Variants in UBAC2 observed in about 807,000 individuals in gnomAD.
The protein encoded by UBAC2 is UBA domain containing 2.
In UBAC2, 26 loss-of-function variants were observed where a neutral mutation model predicts 44.0. The observed-to-expected ratio is 0.59, with a 90% CI of 0.43 to 0.82. UBAC2 has a LOEUF of 0.82. Ranked by LOEUF, UBAC2 falls within the 40% of genes least tolerant of loss-of-function variation. The pLI is 0.00. For synonymous variants in UBAC2, 155 were observed against 154.3 expected, an observed-to-expected ratio of 1.00 and a Z score of -0.04; for missense variants, 329 against 419.4, an observed-to-expected ratio of 0.78 and a Z score of 1.88.
At chr13:99,367,536 A>C (rs2045347556) in intron 7 of UBAC2, among the ~76,000 whole-genome samples, 1 of 152,228 alleles carries the variant, frequency 6.6e-6, no homozygotes, top group African/African-American at 2.4e-5. Flanking sequence ...CCAGAGCCAC[A>C]GTGCACAAAG....
chr13:99,259,600 A>G (rs1254113288), intron 4 of UBAC2, among the ~76,000 whole-genome samples: 1 of 152,222 alleles, frequency 6.6e-6, no homozygotes, highest in African/African-American at 2.4e-5. Flanking sequence ...TGAGGTAATT[A>G]TATTGATCTG....
intron 7 of UBAC2, among the ~76,000 whole-genome samples, chr13:99,341,605 A>G (rs536509422): frequency 6.6e-6 from 1 of 151,484 alleles, no homozygotes; most frequent in Non-Finnish European, 1.5e-5. Context: ...CTACATATAT[A>G]TATAGGTGAT....
intron 1 of UBAC2, among the ~76,000 whole-genome samples, chr13:99,229,444 A>G (rs951453787): frequency 1.3e-5 from 2 of 152,234 alleles, no homozygotes; most frequent in South Asian, 2.1e-4. Context: ...GATTGCAGCA[A>G]AGGCTCCTGA....
At chr13:99,310,093 G>A (rs1407809937) in intron 4 of UBAC2, among the ~76,000 whole-genome samples, 1 of 151,292 alleles carries the variant, frequency 6.6e-6, no homozygotes, top group Admixed American at 6.6e-5. Flanking sequence ...TCAGAAGGCT[G>A]AGGCAGGAGG....
At chr13:99,323,601 G>A (rs1389492251) in intron 6 of UBAC2, among the ~76,000 whole-genome samples, 4 of 152,206 alleles carry the variant, frequency 2.6e-5, no homozygotes, top group African/African-American at 9.7e-5. Context: ...CAAGTGTGAT[G>A]TCAGTGCTTG....
intron 6 of UBAC2, among the ~76,000 whole-genome samples, chr13:99,338,444 T>C (rs948230260): frequency 6.6e-6 from 1 of 152,214 alleles, no homozygotes; most frequent in Non-Finnish European, 1.5e-5. Flanking sequence ...GGCCTCAGGT[T>C]GAACAAGCTT....
At chr13:99,294,810 A>G (rs887675512) in intron 4 of UBAC2, 1 of 331,622 alleles carries the variant, frequency 3.0e-6, no homozygotes, top group Admixed American at 4.4e-5. Flanking sequence ...AGTTATTAAG[A>G]GCGCCTCCTT....
chr13:99,284,010 G>A (rs113263460), intron 4 of UBAC2, among the ~76,000 whole-genome samples: 4,354 of 152,254 alleles, frequency 0.029, 97 homozygotes, highest in Non-Finnish European at 0.041. Context: ...TGGGATAACA[G>A]GCGTGAGCCA....
intron 8 of UBAC2, among the ~76,000 whole-genome samples, chr13:99,369,320 G>A (rs570848363): frequency 2.0e-5 from 3 of 152,296 alleles, no homozygotes; most frequent in African/African-American, 4.8e-5. Context: ...TACATACTCA[G>A]TAGAAGCCAT....
At chr13:99,200,976 C>G in intron 1 of UBAC2, 37 bp downstream of exon 1, 2 of 1,297,720 alleles carry the variant, frequency 1.5e-6, no homozygotes, top group Non-Finnish European at 2.0e-6. Flanking sequence ...CTGCCCCCTA[C>G]ACGCCACCCT....
intron 1 of UBAC2, among the ~76,000 whole-genome samples, chr13:99,211,390 CTTG>C (rs773034513): frequency 1.2e-4 from 19 of 152,186 alleles, no homozygotes; most frequent in Non-Finnish European, 2.5e-4. Context: ...GGCAATATGA[CTTG>C]TTAAGTGCTA....
chr13:99,375,801 C>CTTTTTTTTTTT (rs34318354), intron 8 of UBAC2, among the ~76,000 whole-genome samples: 11 of 110,898 alleles, frequency 9.9e-5, no homozygotes, highest in East Asian at 2.4e-4. Flanking sequence ...TCCTTTTTCC[C>CTTTTTTTTTTT]TTTTTTTTTT....
intron 7 of UBAC2, among the ~76,000 whole-genome samples, chr13:99,349,902 C>A (rs1484680349): frequency 6.6e-6 from 1 of 152,056 alleles, no homozygotes; most frequent in Non-Finnish European, 1.5e-5. Flanking sequence ...AGAGTGTTCC[C>A]TGACTCCTCC....
rs544746010 is a variant in UBAC2, at chr13:99,228,290, C to A, written c.32-10137C>A. On this transcript the variant is annotated intron_variant, in intron 1 of 8. Transcript: ENST00000403766. The stretch of plus-strand genomic sequence containing the variant: ...AGGAGCAATATTCTCTATATTCATT[C>A]ATTTTTTTTTTTTTTGATACGGAAT... Among the ~76,000 whole-genome samples the A allele has an allele frequency of 6.6e-5, 9 of 136,494 alleles. No individual in the cohort carries two copies. In the East Asian group the frequency reaches 1.3e-3, roughly 20 times the overall value. 89.5% of individuals were successfully genotyped at this position (136,494 alleles called of 152,430 possible). A position where few individuals can be genotyped will look rare whatever the true frequency, so the allele number is the denominator to read the frequency against.
In UBAC2 at chr13:99,225,977, A is replaced by G. The variant is rs143258128; in HGVS notation, c.32-12450A>G. The stretch of plus-strand genomic sequence containing the variant: ...TTAAATCCACTGTTAAGTGCTATGA[A>G]AAAAGCAGGACAAAGGATAAGGTAA... On this transcript the variant is annotated intron_variant, in intron 1 of 8. Transcript: ENST00000403766. 6.4e-4 allele frequency among the ~76,000 whole-genome samples: 97 copies of G among 152,346 alleles called. 1 individual carries two copies. The East Asian group carries it at 0.012, about 18-fold the overall frequency.
At chr13:99,331,895 G>A (rs935950262) in intron 6 of UBAC2, among the ~76,000 whole-genome samples, 1 of 151,990 alleles carries the variant, frequency 6.6e-6, no homozygotes, top group Non-Finnish European at 1.5e-5. Flanking sequence ...ACATAGGCTG[G>A]CACGTATTAG....
At chr13:99,236,203 T>C (rs2043231032) in intron 1 of UBAC2, among the ~76,000 whole-genome samples, 1 of 152,008 alleles carries the variant, frequency 6.6e-6, no homozygotes, top group Admixed American at 6.5e-5. Context: ...AATAGACAAG[T>C]GGGATTAAAT....
chr13:99,321,610 G>C (rs1233174701), intron 6 of UBAC2, among the ~76,000 whole-genome samples: 1 of 152,184 alleles, frequency 6.6e-6, no homozygotes, highest in African/African-American at 2.4e-5. Flanking sequence ...GCCTAGGCTA[G>C]TTTTTAATCT....
chr13:99,337,489 T>C (rs553987973), intron 6 of UBAC2, among the ~76,000 whole-genome samples: 1 of 152,356 alleles, frequency 6.6e-6, no homozygotes, highest in South Asian at 2.1e-4. Context: ...TTTAAGGATT[T>C]CTTTCTTTTG....
Sources: gnomAD v4.1 joint callset for allele counts (sites outside exome capture counted in the v4.1 genomes callset) on GRCh38, gnomAD v4.1.1 for gene constraint, MANE v1.5 for transcripts, NCBI Gene and HGNC (gene_info 2026-07-23, HGNC 2026-07-21) for gene names.